PTK2: variants seen among roughly 807,000 people sequenced by gnomAD.
The protein encoded by PTK2 is focal adhesion kinase 1.
In PTK2, 45 loss-of-function variants were observed where a neutral mutation model predicts 150.1. That is an observed-to-expected ratio of 0.30 (90% CI 0.24 to 0.38). The LOEUF (loss-of-function observed/expected upper bound fraction) is 0.38. PTK2 is among the 10% of genes least tolerant of loss of function. PTK2 has a pLI of 1.00. For missense variants in PTK2, 919 were observed against 1,307.3 expected (o/e 0.70, Z 4.58); for synonymous variants, 432 against 449.2 (o/e 0.96, Z 0.48).
chr8:140,748,524 AG>A (rs2100060903), intron 17 of PTK2, among the ~76,000 whole-genome samples: 1 of 149,896 alleles, frequency 6.7e-6, no homozygotes, highest in Non-Finnish European at 1.5e-5. Flanking sequence ...AAAAGTTTCC[AG>A]GACAGCCGTG....
chr8:140,876,937 A>G (rs556643175), intron 4 of PTK2, among the ~76,000 whole-genome samples: 15 of 151,132 alleles, frequency 9.9e-5, no homozygotes, highest in Non-Finnish European at 2.1e-4. Flanking sequence ...ATTAACCCTC[A>G]TAACTCTTGA....
At chr8:140,776,255 G>A (rs1465651219) in intron 14 of PTK2, among the ~76,000 whole-genome samples, 5 of 152,144 alleles carry the variant, frequency 3.3e-5, no homozygotes, top group African/African-American at 4.8e-5. Context: ...CGCCCGCCTC[G>A]GCCTCTCAAA....
chr8:140,935,694 GTCC>G (rs1211097627), intron 1 of PTK2, among the ~76,000 whole-genome samples: 7 of 86,836 alleles, frequency 8.1e-5, no homozygotes, highest in South Asian at 1.1e-3. Context: ...TGCTCAGTAT[GTCC>G]TCATCTTTTT....
intron 10 of PTK2, among the ~76,000 whole-genome samples, chr8:140,814,837 A>C (rs4404962): frequency 0.58 from 87,628 of 150,752 alleles, 27,068 homozygotes; most frequent in African/African-American, 0.79. Context: ...TGCAATGACG[A>C]AATCTCGGCT....
chr8:140,893,914 T>C (rs1422375428), intron 2 of PTK2, among the ~76,000 whole-genome samples: 1 of 152,186 alleles, frequency 6.6e-6, no homozygotes, highest in African/African-American at 2.4e-5. Flanking sequence ...CTGATGGGAA[T>C]GTGAATTTTC....
At chr8:140,761,101 A>T in intron 16 of PTK2, 64 bp downstream of exon 19, 1 of 1,129,360 alleles carries the variant, frequency 8.9e-7, no homozygotes, top group Non-Finnish European at 1.3e-6. Flanking sequence ...GAAGACAAAC[A>T]AAAGCAATTT....
chr8:140,875,550 G>A (rs2100145003), intron 4 of PTK2, among the ~76,000 whole-genome samples: 1 of 152,190 alleles, frequency 6.6e-6, no homozygotes, highest in Admixed American at 6.5e-5. Context: ...TGAGTGTGAT[G>A]AGAAGCTACT....
At chr8:140,996,955 T>C (rs971755987) in intron 1 of PTK2, among the ~76,000 whole-genome samples, 7 of 152,230 alleles carry the variant, frequency 4.6e-5, no homozygotes. Context: ...CTGATAGATC[T>C]GGGCTAAGTA....
rs566884035 is a variant in PTK2 at position 140,719,184 on chromosome 8, A to C, written c.2031-1475T>G. ...GAATGAGACTCCACCTCAAAAAAAA[A>C]CCCCCAAAATCACATAAGCATTTTA... On this transcript the variant is annotated intron_variant, in intron 22 of 31. Transcript: ENST00000522684. Among the ~76,000 whole-genome samples, 15 of 151,908 alleles carry C rather than the reference A, an allele frequency of 9.9e-5. No homozygotes were observed. The South Asian group carries it at 1.3e-3, about 13-fold the overall frequency.
At chr8:140,983,710 GAGGGAGGGAGAGAAGA>G (rs2100192277) in intron 1 of PTK2, 2 of 149,748 alleles carry the variant, frequency 1.3e-5, no homozygotes, top group Non-Finnish European at 1.5e-5. Flanking sequence ...AGGAGGGAAG[GAGGGAGGGAGAGAAGA>G]AGGGAGGGAG....
chr8:140,793,024 A>T (rs1191248425), intron 13 of PTK2, among the ~76,000 whole-genome samples: 1 of 152,252 alleles, frequency 6.6e-6, no homozygotes, highest in African/African-American at 2.4e-5. Context: ...TAATTTTCAT[A>T]CTTGTAAAAT....
At position 140,739,237 on chromosome 8, in the gene PTK2, G is replaced by A. The variant is rs772784917; in HGVS notation, c.1736-130C>T. ...GAACCCTTGAGGCTTCCATTTATTT[G>A]GGAGAACTACTTTTCATTTCCTTGG... On this transcript the variant is annotated intron_variant, in intron 20 of 31. Coordinates refer to ENST00000522684, the Ensembl canonical transcript of PTK2. The A allele has an allele frequency of 5.9e-6, 3 of 505,632 alleles. No individual in the cohort carries two copies. The South Asian group carries it at 1.5e-4, about 25-fold the overall frequency. The allele number at this position is 505,632 out of a possible 1,614,324, so 31.3% of individuals were successfully genotyped here.
chr8:140,834,605 T>C (rs1463346656), intron 7 of PTK2, among the ~76,000 whole-genome samples: 1 of 152,214 alleles, frequency 6.6e-6, no homozygotes, highest in South Asian at 2.1e-4. Flanking sequence ...TATGACATAC[T>C]AGGCACTATA....
At chr8:140,840,435 G>A (rs576307619) in intron 7 of PTK2, among the ~76,000 whole-genome samples, 24 of 151,722 alleles carry the variant, frequency 1.6e-4, no homozygotes, top group African/African-American at 5.8e-4. Context: ...TCTAATATTT[G>A]GAGTTTCAAT....
chr8:140,904,973 T>A (rs2100160273), intron 2 of PTK2, among the ~76,000 whole-genome samples: 1 of 152,170 alleles, frequency 6.6e-6, no homozygotes, highest in Non-Finnish European at 1.5e-5. Context: ...TTTTGAAAGT[T>A]TTTTTGTATC....
intron 8 of PTK2, among the ~76,000 whole-genome samples, chr8:140,826,676 G>A (rs1044428096): frequency 5.9e-5 from 9 of 152,152 alleles, no homozygotes; most frequent in African/African-American, 1.7e-4. Context: ...AGCACTTTGG[G>A]AGGCGGAGGC....
At chr8:140,799,490 C>T (rs762877570) in intron 12 of PTK2, among the ~76,000 whole-genome samples, 6 of 152,204 alleles carry the variant, frequency 3.9e-5, no homozygotes, top group Non-Finnish European at 7.3e-5. Flanking sequence ...ACTTCCACAG[C>T]GTGAGCTGCT....
At position 140,679,013 on chromosome 8, in the gene PTK2, T is replaced by G. The variant is rs1202003831; in HGVS notation, c.2563-3514A>C. Among the ~76,000 whole-genome samples, 111 of 29,222 alleles carry G rather than the reference T, an allele frequency of 3.8e-3. 2 individuals are homozygous for G. Among genetic ancestry groups the G allele is most frequent in the African/African-American group, 0.01 (98 of 9,482 alleles). 19.2% of individuals were successfully genotyped at this position (29,222 alleles called of 152,430 possible). Reference sequence around the variant, plus strand: ...CTGAGTGCTCCCCATGTTTTTTTTTTTTTTTTTTTTTTTTTTTTTTTTTTT... The same window carrying G: ...CTGAGTGCTCCCCATGTTTTTTTTTGTTTTTTTTTTTTTTTTTTTTTTTTT... On this transcript the variant is annotated intron_variant, in intron 27 of 31. Transcript: ENST00000522684.
chr8:140,803,687 TA>T (rs2100096627), intron 10 of PTK2, 37 bp from the exon 11 acceptor site: 6 of 1,538,028 alleles, frequency 3.9e-6, no homozygotes, highest in Non-Finnish European at 5.4e-6. Context: ...AGACTACGGA[TA>T]AAAAACTCAT....
Sources: gnomAD v4.1 joint callset for allele counts (sites outside exome capture counted in the v4.1 genomes callset) on GRCh38, gnomAD v4.1.1 for gene constraint, MANE v1.5 for transcripts, NCBI Gene and HGNC (gene_info 2026-07-23, HGNC 2026-07-21) for gene names.